The following ORC4 variants were observed in gnomAD, a reference collection of about 807,000 sequenced individuals.
The protein encoded by ORC4 is origin recognition complex, subunit 4 homolog.
In ORC4, 55 loss-of-function variants were observed where a neutral mutation model predicts 63.9. The ratio of observed to expected loss-of-function variants is 0.86; its 90% CI spans 0.69 to 1.08. The LOEUF (loss-of-function observed/expected upper bound fraction) is 1.08, where lower values mean the gene tolerates loss of function less well. Among genes scored for constraint, ORC4 ranks in the 50% least tolerant of loss-of-function variants. The probability of loss-of-function intolerance (pLI) is 0.00; values close to 1 mark genes in which losing one functional copy is unlikely to be tolerated. For missense variants in ORC4, 511 were observed against 504.4 expected, an observed-to-expected ratio of 1.01 and a Z score of -0.13; for synonymous variants, 150 against 168.5, an observed-to-expected ratio of 0.89 and a Z score of 0.85.
intron 10 of ORC4, among the ~76,000 whole-genome samples, chr2:147,942,450 A>G (rs966676855): frequency 3.3e-5 from 5 of 152,120 alleles, no homozygotes; most frequent in Non-Finnish European, 7.4e-5. Context: ...GGCTGGTTCA[A>G]CACTCAAAAA....
chr2:148,001,461 T>G (rs1692303314), intron 1 of ORC4, among the ~76,000 whole-genome samples: 2 of 152,134 alleles, frequency 1.3e-5, no homozygotes, highest in African/African-American at 4.8e-5. Flanking sequence ...TAGTCAACAT[T>G]CTTAAAGAAA....
At position 147,930,856 on chromosome 2, in the gene ORC4, GT is replaced by G. The variant is rs70992181; in HGVS notation, c.*4653del. 55,359 of 143,362 alleles carry G rather than the reference GT, an allele frequency of 0.39. 10,530 individuals are homozygous for G. Among genetic ancestry groups the G allele is most frequent in the East Asian group, 0.52 (2,565 of 4,916 alleles). 8.9% of individuals were successfully genotyped at this position (143,362 alleles called of 1,614,324 possible). ...GCATATGCAGTTTTTCTTTAGCTAT[GT>G]TTTTTTTTTTTTTTATACTTTAAGT... On this transcript the variant is annotated 3_prime_UTR_variant, in exon 14 of 14. Transcript: ENST00000392857.
chr2:147,982,282 TCCTCA>T (rs1450606193), intron 1 of ORC4, among the ~76,000 whole-genome samples: 1 of 152,182 alleles, frequency 6.6e-6, no homozygotes, highest in Non-Finnish European at 1.5e-5. Flanking sequence ...TAATAAAATA[TCCTCA>T]ACTCTGGTTT....
chr2:147,958,091 C>G (rs1689363774), intron 6 of ORC4, among the ~76,000 whole-genome samples: 1 of 152,074 alleles, frequency 6.6e-6, no homozygotes, highest in Admixed American at 6.6e-5. Flanking sequence ...TTTACAGCTA[C>G]TATAACCTAC....
At chr2:147,964,003 T>C (rs1689752761) in intron 4 of ORC4, among the ~76,000 whole-genome samples, 1 of 152,114 alleles carries the variant, frequency 6.6e-6, no homozygotes, top group South Asian at 2.1e-4. Flanking sequence ...AAAGACAATT[T>C]TACTTTTCTA....
At chr2:147,949,780 A>G (rs1255904194) in intron 8 of ORC4, among the ~76,000 whole-genome samples, 1 of 152,224 alleles carries the variant, frequency 6.6e-6, no homozygotes, top group Non-Finnish European at 1.5e-5. Context: ...AAATAAAATT[A>G]GTCTGTAGTA....
intron 1 of ORC4, among the ~76,000 whole-genome samples, chr2:148,016,255 C>G (rs941012847): frequency 1.3e-5 from 2 of 152,066 alleles, no homozygotes; most frequent in Admixed American, 1.3e-4. Context: ...GTGGCTGGAC[C>G]GCGAAGAAGC....
At chr2:147,952,659 T>G (rs1689025198) in intron 7 of ORC4, 135 bp from the exon 8 acceptor site, 1 of 697,888 alleles carries the variant, frequency 1.4e-6, no homozygotes, top group South Asian at 1.7e-5. Flanking sequence ...GGTAGGGGAT[T>G]TACTGATGCA....
intron 1 of ORC4, among the ~76,000 whole-genome samples, chr2:147,985,935 A>G (rs1371361062): frequency 6.6e-6 from 1 of 152,196 alleles, no homozygotes; most frequent in African/African-American, 2.4e-5. Context: ...AAACCCTGCA[A>G]ACATCAGAAA....
At chr2:148,009,333 A>C (rs1047299036) in intron 1 of ORC4, among the ~76,000 whole-genome samples, 15 of 152,274 alleles carry the variant, frequency 9.9e-5, no homozygotes, top group African/African-American at 3.6e-4. Context: ...ATGTGAATGG[A>C]CTAAATTCTT....
chr2:147,943,749 TA>T (rs1256647039), intron 9 of ORC4, among the ~76,000 whole-genome samples: 1 of 152,120 alleles, frequency 6.6e-6, no homozygotes, highest in African/African-American at 2.4e-5. Context: ...AACACAATGA[TA>T]AAACAATCCT....
chr2:148,008,878 A>G (rs1692780110), intron 1 of ORC4, among the ~76,000 whole-genome samples: 1 of 152,098 alleles, frequency 6.6e-6, no homozygotes, highest in Admixed American at 6.5e-5. Flanking sequence ...CTTGCTGAAT[A>G]TTAAAAAGAA....
intron 1 of ORC4, among the ~76,000 whole-genome samples, chr2:148,001,162 A>T (rs1045556421): frequency 5.3e-5 from 8 of 152,104 alleles, no homozygotes; most frequent in Admixed American, 1.3e-4. Flanking sequence ...TATCAATCTG[A>T]AGGAAAATAT....
intron 6 of ORC4, among the ~76,000 whole-genome samples, chr2:147,957,962 G>A (rs1321916706): frequency 1.3e-5 from 2 of 152,110 alleles, no homozygotes; most frequent in African/African-American, 2.4e-5. Flanking sequence ...TAGGCTGCTG[G>A]AGCATGGTAT....
At chr2:148,019,392 C>T (rs1328887091) in intron 1 of ORC4, among the ~76,000 whole-genome samples, 2 of 152,274 alleles carry the variant, frequency 1.3e-5, no homozygotes, top group East Asian at 1.9e-4. Context: ...GAGATCGAGA[C>T]CAGCCTGACC....
At chr2:147,941,556 A>G (rs887400493) in intron 10 of ORC4, among the ~76,000 whole-genome samples, 8 of 152,110 alleles carry the variant, frequency 5.3e-5, no homozygotes, top group Non-Finnish European at 1.0e-4. Flanking sequence ...TCTGTAATCT[A>G]TAATGAGCTT....
At position 147,971,885 on chromosome 2, in the gene ORC4, T is replaced by C. The variant is rs1019651207; in HGVS notation, c.225+854A>G. 2.0e-5 allele frequency among the ~76,000 whole-genome samples: 3 copies of C among 152,194 alleles called. No individual in the cohort carries two copies. The East Asian group carries it at 5.8e-4, about 29-fold the overall frequency. On this transcript the variant is annotated intron_variant, in intron 4 of 13. Transcript: ENST00000392857. ...ATTCTCAATTTATATTAAACAATAC[T>C]TCAGATGTGATAACAGTAAAATCCT...
At chr2:147,955,897 A>G (rs913216199) in intron 6 of ORC4, among the ~76,000 whole-genome samples, 58 of 152,026 alleles carry the variant, frequency 3.8e-4, no homozygotes, top group Non-Finnish European at 4.7e-4. Flanking sequence ...AACATTAGAT[A>G]CTATAACAGT....
rs17225395 is a variant in ORC4, at chr2:147,972,112, T to TA, written c.225+626dup. 7.0e-3 allele frequency among the ~76,000 whole-genome samples: 1,058 copies of TA among 152,214 alleles called. 10 individuals carry two copies. The highest frequency in any genetic ancestry group is 0.024 in the African/African-American group (994 of 41,562). On this transcript the variant is annotated intron_variant, in intron 4 of 13. Coordinates refer to ENST00000392857, the MANE Select transcript of ORC4 (RefSeq NM_181741.4). ...GTTAACACCCATAATTTGTCTCCTA[T>TA]ATTGCATAAAGGATATCAAAGAAAA...
Sources: allele counts gnomAD v4.1 joint callset (sites outside exome capture counted in the v4.1 genomes callset), GRCh38; gene constraint gnomAD v4.1.1; transcripts MANE v1.5; gene names NCBI Gene and HGNC (gene_info 2026-07-23, HGNC 2026-07-21).